Variants in ROBO2 observed in about 807,000 individuals in gnomAD.
The protein encoded by ROBO2 is roundabout homolog 2.
In ROBO2, 53 loss-of-function variants were observed where a neutral mutation model predicts 160.8. The observed-to-expected ratio is 0.33, with a 90% confidence interval of 0.26 to 0.41. ROBO2 has a LOEUF of 0.41. Ranked by LOEUF, ROBO2 falls within the 10% of genes least tolerant of loss-of-function variation. The pLI is 1.00. For synonymous variants in ROBO2, 664 were observed against 611.7 expected (o/e 1.09, Z -1.26); for missense variants, 1,577 against 1,722.4 (o/e 0.92, Z 1.49).
intron 2 of ROBO2, among the ~76,000 whole-genome samples, chr3:75,993,506 C>A (rs531062623): frequency 6.6e-6 from 1 of 152,264 alleles, no homozygotes; most frequent in East Asian, 1.9e-4. Flanking sequence ...TTCCCAGTCT[C>A]AGGTATGTCT....
intron 5 of ROBO2, among the ~76,000 whole-genome samples, chr3:77,504,375 A>C (rs1473631136): frequency 6.6e-6 from 1 of 152,004 alleles, no homozygotes; most frequent in Admixed American, 6.6e-5. Flanking sequence ...TATTTCTGAC[A>C]CATGGTACTC....
At chr3:76,774,284 C>A (rs1352929757) in intron 2 of ROBO2, among the ~76,000 whole-genome samples, 3 of 150,810 alleles carry the variant, frequency 2.0e-5, no homozygotes, top group Non-Finnish European at 4.5e-5. Flanking sequence ...AGATATGATT[C>A]TCTGGTCCTG....
chr3:76,301,569 T>G (rs1709357840), intron 2 of ROBO2, among the ~76,000 whole-genome samples: 1 of 152,094 alleles, frequency 6.6e-6, no homozygotes, highest in African/African-American at 2.4e-5. Context: ...TTGATCTCAT[T>G]ACACCTGACA....
intron 5 of ROBO2, among the ~76,000 whole-genome samples, chr3:77,500,296 G>A (rs1488400100): frequency 6.6e-6 from 1 of 152,056 alleles, no homozygotes; most frequent in African/African-American, 2.4e-5. Context: ...CCTACTTGAG[G>A]GTTACAGAAA....
intron 2 of ROBO2, among the ~76,000 whole-genome samples, chr3:76,798,134 AAGAAAG>A (rs1453431436): frequency 4.8e-4 from 36 of 75,040 alleles, no homozygotes; most frequent in African/African-American, 1.7e-3. Flanking sequence ...AGAAAGAAAG[AAGAAAG>A]AGAAAGAAAG....
intron 2 of ROBO2, among the ~76,000 whole-genome samples, chr3:76,538,986 C>T (rs923487746): frequency 1.3e-5 from 2 of 152,090 alleles, no homozygotes; most frequent in African/African-American, 4.8e-5. Flanking sequence ...AAATGGGGCA[C>T]ATATACACCA....
chr3:76,033,313 C>G lies in ROBO2; in HGVS notation c.109+95711C>G, dbSNP rs578139830. ...ACACATACACACACACACACACACA[C>G]AGACATATCACCGACCAGGATATGC... On this transcript the variant is annotated intron_variant, in intron 2 of 26. Coordinates refer to the ROBO2 transcript ENST00000487694. Among the ~76,000 whole-genome samples the G allele has an allele frequency of 2.0e-4, 30 of 149,832 alleles. 1 individual carries two copies. Among genetic ancestry groups the G allele is most frequent in the African/African-American group, 7.2e-4 (29 of 40,248 alleles).
chr3:76,548,930 CCA>C (rs2083265109), intron 2 of ROBO2, among the ~76,000 whole-genome samples: 1 of 152,054 alleles, frequency 6.6e-6, no homozygotes, highest in Non-Finnish European at 1.5e-5. Context: ...GTAGTCAAAT[CCA>C]CAGTTTGTGC....
At chr3:77,192,022 G>C (rs2081901371) in intron 2 of ROBO2, among the ~76,000 whole-genome samples, 1 of 152,142 alleles carries the variant, frequency 6.6e-6, no homozygotes, top group African/African-American at 2.4e-5. Flanking sequence ...GTGGGAATGA[G>C]TAGTAATGTC....
intron 1 of ROBO2, among the ~76,000 whole-genome samples, chr3:75,915,964 AAAACAG>A: frequency 6.6e-6 from 1 of 152,224 alleles, no homozygotes; most frequent in Admixed American, 6.5e-5. Context: ...AACACTTATA[AAAACAG>A]TATTTCTAGA....
chr3:76,465,394 A>C (rs1420246558), intron 2 of ROBO2, among the ~76,000 whole-genome samples: 1 of 152,112 alleles, frequency 6.6e-6, no homozygotes, highest in East Asian at 1.9e-4. Context: ...AGTTTATACT[A>C]AAGTTTGAAA....
At chr3:77,112,832 T>TAATAAACCTAAATAATA (rs1406983250) in intron 2 of ROBO2, among the ~76,000 whole-genome samples, 2 of 152,186 alleles carry the variant, frequency 1.3e-5, no homozygotes, top group African/African-American at 4.8e-5. Context: ...CAACATAACC[T>TAATAAACCTAAATAATA]AATAAACCTA....
At chr3:77,394,323 A>T (rs1560712649) in intron 2 of ROBO2, among the ~76,000 whole-genome samples, 1 of 152,096 alleles carries the variant, frequency 6.6e-6, no homozygotes, top group Non-Finnish European at 1.5e-5. Flanking sequence ...TGGGAGGGAG[A>T]TGCCGTTGGC....
At chr3:77,635,434 A>G (rs894047050) in intron 24 of ROBO2, among the ~76,000 whole-genome samples, 1 of 152,198 alleles carries the variant, frequency 6.6e-6, no homozygotes, top group Non-Finnish European at 1.5e-5. Flanking sequence ...GGAAAAAAAG[A>G]CTTTTGAAAT....
At chr3:76,924,022 T>G (rs916112101) in intron 2 of ROBO2, among the ~76,000 whole-genome samples, 1 of 152,252 alleles carries the variant, frequency 6.6e-6, no homozygotes, top group African/African-American at 2.4e-5. Context: ...TCATCTCTTA[T>G]GTTTAATCAC....
intron 2 of ROBO2, among the ~76,000 whole-genome samples, chr3:77,122,808 C>T (rs2074910166): frequency 6.6e-6 from 1 of 152,140 alleles, no homozygotes; most frequent in South Asian, 2.1e-4. Flanking sequence ...GACATAATGT[C>T]GACAAGCCAT....
intron 2 of ROBO2, among the ~76,000 whole-genome samples, chr3:76,904,673 GC>G (rs956988061): frequency 6.6e-6 from 1 of 152,082 alleles, no homozygotes; most frequent in Non-Finnish European, 1.5e-5. Flanking sequence ...GGCTCCTGTA[GC>G]CCAGTTAATC....
At chr3:76,779,770 T>G (rs1489535418) in intron 2 of ROBO2, among the ~76,000 whole-genome samples, 2 of 150,936 alleles carry the variant, frequency 1.3e-5, no homozygotes, top group Non-Finnish European at 3.0e-5. Flanking sequence ...TTTTATGTAT[T>G]TACAACATTT....
chr3:76,787,238 C>A (rs1211542589), intron 2 of ROBO2, among the ~76,000 whole-genome samples: 1 of 151,018 alleles, frequency 6.6e-6, no homozygotes, highest in South Asian at 2.1e-4. Context: ...TAAAATTTTA[C>A]TTATGGACAG....
Sources: allele counts gnomAD v4.1 joint callset (sites outside exome capture counted in the v4.1 genomes callset), GRCh38; gene constraint gnomAD v4.1.1; transcripts MANE v1.5; gene names NCBI Gene and HGNC (gene_info 2026-07-23, HGNC 2026-07-21).